ANXA3: variants seen among roughly 807,000 people sequenced by gnomAD.
ANXA3 encodes 35-alpha calcimedin.
Under a neutral mutation model 48.8 loss-of-function variants are expected in ANXA3, and 46 were observed. That is an observed-to-expected ratio of 0.94 (90% CI 0.74 to 1.21). The LOEUF (loss-of-function observed/expected upper bound fraction) is 1.21. Ranked by LOEUF, ANXA3 falls within the 50% of genes most tolerant of loss-of-function variation. The pLI, the probability that ANXA3 is intolerant of heterozygous loss-of-function variation, is 0.00. For missense variants in ANXA3, 383 were observed against 378.6 expected, an observed-to-expected ratio of 1.01 and a Z score of -0.10; for synonymous variants, 128 against 134.7, an observed-to-expected ratio of 0.95 and a Z score of 0.35.
chr4:78,575,602 T>C (rs1419697308), intron 3 of ANXA3, among the ~76,000 whole-genome samples: 6 of 152,232 alleles, frequency 3.9e-5, no homozygotes, highest in African/African-American at 1.2e-4. Context: ...CCCAGCCACA[T>C]GGAACTGTGA....
At chr4:78,591,686 G>T in intron 7 of ANXA3, 63 bp downstream of exon 7, 2 of 1,231,184 alleles carry the variant, frequency 1.6e-6, no homozygotes, top group South Asian at 1.3e-5. Flanking sequence ...ACAATTTTTA[G>T]GGAGTTTAAA....
At chr4:78,572,973 C>T in intron 2 of ANXA3, 3 of 662,368 alleles carry the variant, frequency 4.5e-6, no homozygotes, top group Non-Finnish European at 8.4e-6. Context: ...GCCTGTGAGG[C>T]TAGAAGCAAG....
intron 6 of ANXA3, 70 bp downstream of exon 6, chr4:78,586,420 C>T: frequency 8.8e-7 from 1 of 1,133,734 alleles, no homozygotes; most frequent in South Asian, 1.3e-5. Context: ...TTCCTAGAAT[C>T]CTCTCAATCT....
chr4:78,607,787 A>T (rs1723681719), intron 12 of ANXA3, among the ~76,000 whole-genome samples: 1 of 152,146 alleles, frequency 6.6e-6, no homozygotes, highest in Non-Finnish European at 1.5e-5. Context: ...GGGTTAGAGA[A>T]ATGGGTCTTG....
At chr4:78,595,540 C>CTTTTTTTTTTTTT in intron 8 of ANXA3, 103 bp downstream of exon 8, 1 of 991,520 alleles carries the variant, frequency 1.0e-6, no homozygotes, top group African/African-American at 1.8e-5. Flanking sequence ...AGGGACTTTT[C>CTTTTTTTTTTTTT]TTTTTTTTTT....
intron 4 of ANXA3, among the ~76,000 whole-genome samples, chr4:78,581,384 A>G (rs1278814215): frequency 6.6e-6 from 1 of 152,228 alleles, no homozygotes; most frequent in Non-Finnish European, 1.5e-5. Flanking sequence ...GCTCAAAACA[A>G]TATCAATAGG....
chr4:78,563,405 G>A (rs1238597782), intron 2 of ANXA3, among the ~76,000 whole-genome samples: 1 of 152,130 alleles, frequency 6.6e-6, no homozygotes. Flanking sequence ...CCACCAACCT[G>A]CCCCTTATTC....
chr4:78,552,369 T>C (rs13142813), intron 1 of ANXA3: 41,883 of 152,132 alleles, frequency 0.28, 6,381 homozygotes, highest in Non-Finnish European at 0.34. Context: ...CCCCCTCACA[T>C]AGGCAATTTA....
intron 4 of ANXA3, among the ~76,000 whole-genome samples, chr4:78,580,513 T>G (rs1335652332): frequency 2.0e-5 from 3 of 152,188 alleles, no homozygotes; most frequent in Non-Finnish European, 4.4e-5. Context: ...TGGAGGTTTG[T>G]AAGCAGAGGA....
chr4:78,572,295 C>T (rs947908591), intron 2 of ANXA3, among the ~76,000 whole-genome samples: 1 of 152,176 alleles, frequency 6.6e-6, no homozygotes, highest in Non-Finnish European at 1.5e-5. Context: ...ATCATATTCC[C>T]TGTGTCTGGG....
At chr4:78,601,053 A>G (rs563269188) in intron 10 of ANXA3, among the ~76,000 whole-genome samples, 1 of 152,178 alleles carries the variant, frequency 6.6e-6, no homozygotes, top group South Asian at 2.1e-4. Context: ...CATGGGAAAA[A>G]TTGCTTTTAA....
intron 2 of ANXA3, among the ~76,000 whole-genome samples, chr4:78,561,736 C>T (rs1378484020): frequency 6.6e-6 from 1 of 152,046 alleles, no homozygotes; most frequent in Admixed American, 6.5e-5. Context: ...GCAGAACAGG[C>T]ATCTTTCCTG....
intron 10 of ANXA3, among the ~76,000 whole-genome samples, chr4:78,599,484 G>C (rs1723493849): frequency 6.6e-6 from 1 of 152,186 alleles, no homozygotes; most frequent in Non-Finnish European, 1.5e-5. Flanking sequence ...AACAAATCCA[G>C]ACTTAAGTAA....
In ANXA3 at chr4:78,601,360, C is replaced by A. The variant is rs17003389; in HGVS notation, c.731-150C>A. ...AGGCTATGAAAATCAGGGTAAGCAGCCTTTCTTTCATTCCAAGTAAAAGCC... is the reference window on the plus strand; with the variant it reads ...AGGCTATGAAAATCAGGGTAAGCAGACTTTCTTTCATTCCAAGTAAAAGCC... On this transcript the variant is annotated intron_variant, in intron 10 of 12. Transcript: ENST00000264908. 8.9e-4 allele frequency: 554 copies of A among 625,884 alleles called. 7 individuals carry two copies. The African/African-American group carries it at 9.1e-3, about 10-fold the overall frequency. 38.8% of individuals were successfully genotyped at this position (625,884 alleles called of 1,614,324 possible). A position where few individuals can be genotyped will look rare whatever the true frequency, so the allele number is the denominator to read the frequency against.
chr4:78,607,742 C>T lies in ANXA3; in HGVS notation c.913-2314C>T, dbSNP rs964180106. Among the ~76,000 whole-genome samples the T allele has an allele frequency of 3.3e-5, 5 of 152,212 alleles. No individual in the cohort carries two copies. In the East Asian group the frequency reaches 9.7e-4, roughly 29 times the overall value. On this transcript the variant is annotated intron_variant, in intron 12 of 12. Transcript: ENST00000264908. ...AAATACTAGATTGTTGAATATAGAG[C>T]TAGTACTATCGGAATTGAGAAGAAA...
chr4:78,578,133 T>C (rs1200433203), intron 3 of ANXA3, among the ~76,000 whole-genome samples: 2 of 151,158 alleles, frequency 1.3e-5, no homozygotes, highest in Admixed American at 1.3e-4. Context: ...AAAAAAAAAT[T>C]AGCTGGGCAT....
Position 78,554,179 on chromosome 4 carries a change from C to T in ANXA3, c.-38-257C>T, listed in dbSNP as rs1578388115. On this transcript the variant is annotated intron_variant, in intron 1 of 12. Coordinates refer to ENST00000264908, the MANE Select transcript of ANXA3 (RefSeq NM_005139.3). ...TTTCAGGAAGTATATTTGTAAGCAT[C>T]TTAAGTACAAAGATTTTTTTCTGTC... The T allele has an allele frequency of 9.1e-6, 3 of 331,036 alleles. No homozygotes were observed. In the East Asian group the frequency reaches 1.5e-4, roughly 16 times the overall value. 20.5% of individuals were successfully genotyped at this position (331,036 alleles called of 1,614,324 possible).
At chr4:78,584,280 C>T (rs1267098365) in intron 5 of ANXA3, among the ~76,000 whole-genome samples, 1 of 152,128 alleles carries the variant, frequency 6.6e-6, no homozygotes, top group African/African-American at 2.4e-5. Context: ...CCTGGCAAGC[C>T]TCCAACTTCA....
chr4:78,592,425 A>G (rs1015642888), intron 7 of ANXA3, among the ~76,000 whole-genome samples: 30 of 152,370 alleles, frequency 2.0e-4, no homozygotes, highest in African/African-American at 6.7e-4. Context: ...TATCTAAATT[A>G]TGGTTTCAGT....
Sources: gnomAD v4.1 joint callset for allele counts (sites outside exome capture counted in the v4.1 genomes callset) on GRCh38, gnomAD v4.1.1 for gene constraint, MANE v1.5 for transcripts, NCBI Gene and HGNC (gene_info 2026-07-23, HGNC 2026-07-21) for gene names.